Variants in SLC33A1 observed in about 807,000 individuals in gnomAD.
The protein encoded by SLC33A1 is acetyl-coenzyme A transporter 1.
A neutral mutation model predicts 50.0 loss-of-function variants in SLC33A1; 20 were observed. That is an observed-to-expected ratio of 0.40 (90% CI 0.28 to 0.58). SLC33A1 has a LOEUF of 0.58. SLC33A1 is among the 20% of genes least tolerant of loss of function. The pLI is 0.44. For missense variants in SLC33A1, 476 were observed against 657.0 expected (o/e 0.72, Z 3.01); for synonymous variants, 265 against 251.8 (o/e 1.05, Z -0.50).
intron 2 of SLC33A1, among the ~76,000 whole-genome samples, chr3:155,839,381 A>C (rs927618756): frequency 1.2e-4 from 18 of 147,362 alleles, no homozygotes; most frequent in Non-Finnish European, 1.7e-4. Flanking sequence ...CTCAAAAAAA[A>C]AAAAAAAAAA....
chr3:155,844,983 GAAT>G (rs1038218091), intron 1 of SLC33A1: 25 of 151,966 alleles, frequency 1.6e-4, no homozygotes, highest in Non-Finnish European at 3.2e-4. Context: ...AAAATGAGAT[GAAT>G]AATGACTTCT....
intron 1 of SLC33A1, among the ~76,000 whole-genome samples, chr3:155,849,649 T>C (rs565852209): frequency 1.2e-4 from 18 of 151,196 alleles, no homozygotes; most frequent in Admixed American, 3.3e-4. Context: ...GGCTCACACT[T>C]GTAATCCCAG....
chr3:155,852,502 G>A (rs1753438636), intron 1 of SLC33A1, among the ~76,000 whole-genome samples: 1 of 152,124 alleles, frequency 6.6e-6, no homozygotes, highest in Admixed American at 6.5e-5. Context: ...CCCAAACCCA[G>A]TTCCACAATT....
chr3:155,824,762 T>C lies in SLC33A1; in HGVS notation c.*3448A>G, dbSNP rs1752165237. 1 of 152,156 alleles carries C rather than the reference T, an allele frequency of 6.6e-6. No homozygotes were observed. Among genetic ancestry groups the C allele is most frequent in the Non-Finnish European group, 1.5e-5 (1 of 68,036 alleles). 9.4% of individuals were successfully genotyped at this position (152,156 alleles called of 1,614,324 possible). A position where few individuals can be genotyped will look rare whatever the true frequency, so the allele number is the denominator to read the frequency against. On this transcript the variant is annotated 3_prime_UTR_variant, in exon 6 of 6. Coordinates refer to ENST00000643144, the MANE Select transcript of SLC33A1 (RefSeq NM_004733.4). ...CTCTGTTCAGAAAAAGAAAAAAAAT[T>C]ACATATCCAGAGTTTCACAAGCAAT... is the stretch of plus-strand genomic sequence containing the variant.
Position 155,825,777 on chromosome 3 carries a change from T to G in SLC33A1, c.*2433A>C, listed in dbSNP as rs1752183259. The G allele has an allele frequency of 6.6e-6, 1 of 152,144 alleles. No individual in the cohort carries two copies. The highest frequency in any genetic ancestry group is 2.1e-4 in the South Asian group (1 of 4,824). The allele number at this position is 152,144 out of a possible 1,614,324, so 9.4% of individuals were successfully genotyped here. On this transcript the variant is annotated 3_prime_UTR_variant, in exon 6 of 6. Transcript: ENST00000643144. ...AAAGTCCATACTTGAAGGTACTGTT[T>G]AATTTATCAGGATCAATCAATCAAG... is the stretch of plus-strand genomic sequence containing the variant.
chr3:155,835,675 G>T (rs1215396151), intron 2 of SLC33A1, among the ~76,000 whole-genome samples: 1 of 152,168 alleles, frequency 6.6e-6, no homozygotes, highest in Non-Finnish European at 1.5e-5. Context: ...GGTGGGGGCT[G>T]CCAGAAATTC....
chr3:155,851,333 T>C (rs1256608209), intron 1 of SLC33A1, among the ~76,000 whole-genome samples: 1 of 151,796 alleles, frequency 6.6e-6, no homozygotes, highest in East Asian at 1.9e-4. Flanking sequence ...AGCCACAATC[T>C]CCCGGGCTGA....
intron 2 of SLC33A1, among the ~76,000 whole-genome samples, chr3:155,840,739 G>A (rs761907095): frequency 1.4e-4 from 21 of 152,016 alleles, no homozygotes; most frequent in East Asian, 1.2e-3. Flanking sequence ...GCTTGAACCC[G>A]GGAGGTGGAG....
chr3:155,828,817 T>G (rs999188266), intron 5 of SLC33A1, among the ~76,000 whole-genome samples: 1 of 151,816 alleles, frequency 6.6e-6, no homozygotes, highest in African/African-American at 2.4e-5. Flanking sequence ...CTTGAACTCC[T>G]GGGCTCAAGC....
intron 1 of SLC33A1, among the ~76,000 whole-genome samples, chr3:155,847,473 G>A (rs537138427): frequency 7.2e-5 from 11 of 151,958 alleles, no homozygotes; most frequent in Admixed American, 1.3e-4. Context: ...CGCTGGGCAC[G>A]GTGGCTCATG....
intron 3 of SLC33A1, 24 bp from the exon 4 acceptor site, chr3:155,833,609 T>TTACACAAAATTAGCTGGGCGTGGTGGTGG: frequency 7.5e-7 from 1 of 1,339,260 alleles, no homozygotes; most frequent in Non-Finnish European, 1.1e-6. Context: ...AACATTGAGT[T>TTACACAAAATTAGCTGGGCGTGGTGGTGG]GACTTCCATT....
rs1235306636 is a variant in SLC33A1, at chr3:155,822,685, TAA to T, written c.*5523_*5524del. 1 of 152,164 alleles carries T rather than the reference TAA, an allele frequency of 6.6e-6. No homozygotes were observed. The highest frequency in any genetic ancestry group is 1.5e-5 in the Non-Finnish European group (1 of 68,026). The allele number at this position is 152,164 out of a possible 1,614,324, so 9.4% of individuals were successfully genotyped here. ...CATTATTCTTCACATAAAATTGTTA[TAA>T]AGTTATATTGTCTATATTGACAATA... On this transcript the variant is annotated 3_prime_UTR_variant, in exon 6 of 6. Coordinates refer to ENST00000643144, the MANE Select transcript of SLC33A1 (RefSeq NM_004733.4).
chr3:155,850,848 C>A (rs948966428), intron 1 of SLC33A1, among the ~76,000 whole-genome samples: 1 of 151,734 alleles, frequency 6.6e-6, no homozygotes, highest in Non-Finnish European at 1.5e-5. Flanking sequence ...AACTCCTGAT[C>A]TCAGGTGATC....
chr3:155,849,074 C>T (rs974377687), intron 1 of SLC33A1, among the ~76,000 whole-genome samples: 8 of 151,850 alleles, frequency 5.3e-5, no homozygotes, highest in Admixed American at 3.3e-4. Flanking sequence ...CCACCACACC[C>T]GGCTAATTTT....
rs1237081738 is a variant in SLC33A1 at position 155,822,561 on chromosome 3, G to A, written c.*5649C>T. 3 of 125,752 alleles carry A rather than the reference G, an allele frequency of 2.4e-5. No homozygotes were observed. The highest frequency in any genetic ancestry group is 4.7e-5 in the Non-Finnish European group (3 of 63,748). The allele number at this position is 125,752 out of a possible 1,614,324, so 7.8% of individuals were successfully genotyped here. A position where few individuals can be genotyped will look rare whatever the true frequency, so the allele number is the denominator to read the frequency against. On this transcript the variant is annotated 3_prime_UTR_variant, in exon 6 of 6. Coordinates refer to ENST00000643144, the MANE Select transcript of SLC33A1 (RefSeq NM_004733.4). Reference sequence around the variant, plus strand: ...CCACTGCACTCCAGCCTGGGCGACAGAGCAAGACTCCATCTCAAAAAAAAA... The same window carrying A: ...CCACTGCACTCCAGCCTGGGCGACAAAGCAAGACTCCATCTCAAAAAAAAA...
intron 1 of SLC33A1, chr3:155,844,924 A>T (rs927196113): frequency 6.6e-6 from 1 of 152,218 alleles, no homozygotes; most frequent in African/African-American, 2.4e-5. Flanking sequence ...TATTATTAAC[A>T]GCATTCACTT....
chr3:155,842,569 C>T lies in SLC33A1; in HGVS notation c.826G>A (p.Ala276Thr), dbSNP rs1030696496. The change falls in exon 2 of 6, where the codon GCC (alanine) becomes ACC (threonine). Residue 276 changes from alanine to threonine, a missense_variant. Physicochemically the swap from Ala to Thr is moderately conservative, Grantham distance 58. Coordinates refer to ENST00000643144, the MANE Select transcript of SLC33A1 (RefSeq NM_004733.4). ...TVFLITTTLV[A>T]LLKKENEVSV... is the part of the protein sequence containing the mutation. ...ACTTCGTTTTCTTTTTTCAGAAGGGCAACCAATGTTGTTGTTATTAAAAAT... is the reference window on the plus strand; with the variant it reads ...ACTTCGTTTTCTTTTTTCAGAAGGGTAACCAATGTTGTTGTTATTAAAAAT... 1.2e-6 allele frequency: 2 copies of T among 1,600,660 alleles called. No homozygotes were observed. The highest frequency in any genetic ancestry group is 1.7e-6 in the Non-Finnish European group (2 of 1,171,632).
Position 155,854,189 on chromosome 3 carries a change from TAGAGG to T in SLC33A1, c.-197_-193del. The stretch of plus-strand genomic sequence containing the variant: ...TGAAGCCGGGAGCCAGTCCTCTGGC[TAGAGG>T]CCCAGAGGATGCCTGGATAGGTGCC... On this transcript the variant is annotated 5_prime_UTR_variant, in exon 1 of 6. Coordinates refer to ENST00000643144, the MANE Select transcript of SLC33A1 (RefSeq NM_004733.4). 2.1e-6 allele frequency: 1 copy of T among 478,606 alleles called. No individual in the cohort carries two copies. Among genetic ancestry groups the T allele is most frequent in the Non-Finnish European group, 3.7e-6 (1 of 273,816 alleles). The allele number at this position is 478,606 out of a possible 1,614,324, so 29.6% of individuals were successfully genotyped here.
intron 1 of SLC33A1, among the ~76,000 whole-genome samples, chr3:155,848,640 C>T (rs1753275271): frequency 6.6e-6 from 1 of 152,120 alleles, no homozygotes. Context: ...AGAGATCGCA[C>T]CACTGCATTC....
Sources: allele counts gnomAD v4.1 joint callset (sites outside exome capture counted in the v4.1 genomes callset), GRCh38; gene constraint gnomAD v4.1.1; transcripts MANE v1.5; gene names NCBI Gene and HGNC (gene_info 2026-07-23, HGNC 2026-07-21).